EML6: variants seen among roughly 807,000 people sequenced by gnomAD.
EML6 encodes the protein echinoderm microtubule-associated protein-like 6.
Under a neutral mutation model 240.1 loss-of-function variants are expected in EML6, and 154 were observed. The ratio of observed to expected loss-of-function variants is 0.64; its 90% confidence interval spans 0.56 to 0.73. The LOEUF (loss-of-function observed/expected upper bound fraction) is 0.73, where lower values mean the gene tolerates loss of function less well. EML6 is among the 30% of genes least tolerant of loss of function. EML6 has a pLI of 0.00. For missense variants in EML6, 2,964 were observed against 2,474.6 expected (o/e 1.20, Z -4.20); for synonymous variants, 1,148 against 899.0 (o/e 1.28, Z -4.95).
At chr2:54,947,914 C>T (rs1033927925) in intron 28 of EML6, among the ~76,000 whole-genome samples, 18 of 152,204 alleles carry the variant, frequency 1.2e-4, no homozygotes, top group African/African-American at 4.3e-4. Flanking sequence ...TGTCTGTTCA[C>T]TTGGAAAATG....
chr2:54,823,197 C>T (rs528139525), intron 5 of EML6, among the ~76,000 whole-genome samples: 1 of 152,200 alleles, frequency 6.6e-6, no homozygotes, highest in African/African-American at 2.4e-5. Context: ...TCAAAGCCCT[C>T]TATCGATAAA....
chr2:54,938,703 C>G (rs1675276150), intron 28 of EML6, among the ~76,000 whole-genome samples: 1 of 152,232 alleles, frequency 6.6e-6, no homozygotes, highest in South Asian at 2.1e-4. Context: ...TTCACGCTGT[C>G]TGAGGTTCTC....
At chr2:54,852,875 T>C (rs1383287060) in intron 10 of EML6, among the ~76,000 whole-genome samples, 1 of 152,232 alleles carries the variant, frequency 6.6e-6, no homozygotes, top group African/African-American at 2.4e-5. Context: ...CAAATGTATG[T>C]ATGTTTGCTT....
intron 2 of EML6, among the ~76,000 whole-genome samples, chr2:54,801,645 T>G (rs1670153999): frequency 3.9e-5 from 6 of 152,240 alleles, no homozygotes; most frequent in Admixed American, 3.9e-4. Flanking sequence ...TGACCTTGAA[T>G]TAGGCTTGTT....
chr2:54,795,350 T>A (rs1410360814), intron 2 of EML6, among the ~76,000 whole-genome samples: 1 of 152,118 alleles, frequency 6.6e-6, no homozygotes, highest in Non-Finnish European at 1.5e-5. Context: ...AACCATCAGA[T>A]CTTGTGAGAA....
At chr2:54,926,327 C>G (rs1363327845) in intron 26 of EML6, among the ~76,000 whole-genome samples, 5 of 152,364 alleles carry the variant, frequency 3.3e-5, no homozygotes, top group East Asian at 3.9e-4. Flanking sequence ...GTCTTGAACT[C>G]CTGACCTCAA....
intron 12 of EML6, among the ~76,000 whole-genome samples, chr2:54,860,058 C>A (rs1339838566): frequency 2.6e-5 from 4 of 152,132 alleles, no homozygotes; most frequent in African/African-American, 9.7e-5. Context: ...AAACTCCTAC[C>A]CACCAGGCAA....
At chr2:54,805,938 T>C (rs35457818) in intron 2 of EML6, among the ~76,000 whole-genome samples, 36,227 of 152,098 alleles carry the variant, frequency 0.24, 4,496 homozygotes, top group Middle Eastern at 0.35. Context: ...TTAACACTTT[T>C]GCTGGAAATG....
chr2:54,827,187 G>A (rs1668638154), intron 5 of EML6, among the ~76,000 whole-genome samples: 1 of 152,132 alleles, frequency 6.6e-6, no homozygotes, highest in African/African-American at 2.4e-5. Flanking sequence ...ACTTATCTGT[G>A]TTTCTAAACC....
At chr2:54,838,176 G>A (rs1669252228) in intron 7 of EML6, among the ~76,000 whole-genome samples, 1 of 152,216 alleles carries the variant, frequency 6.6e-6, no homozygotes, top group Non-Finnish European at 1.5e-5. Flanking sequence ...GCACTTCATA[G>A]TTCCTGGCAC....
At chr2:54,755,886 G>T (rs759306263) in intron 2 of EML6, among the ~76,000 whole-genome samples, 1 of 151,842 alleles carries the variant, frequency 6.6e-6, no homozygotes, top group African/African-American at 2.4e-5. Flanking sequence ...TTCTGCTTAG[G>T]TTTTTAACCT....
chr2:54,853,742 A>T lies in EML6; in HGVS notation c.1544A>T (p.Tyr515Phe), dbSNP rs185356704. 6.4e-7 allele frequency: 1 copy of T among 1,551,578 alleles called. No individual in the cohort carries two copies. Among genetic ancestry groups the T allele is most frequent in the African/African-American group, 1.4e-5 (1 of 73,186 alleles). Reference sequence around the variant, plus strand: ...GAAGTGAGTGGAATTTGGCCCAAATACACTGAGGTTACTGACATCAACTCA... The same window carrying T: ...GAAGTGAGTGGAATTTGGCCCAAATTCACTGAGGTTACTGACATCAACTCA... ...GPEVSGIWPK[Y>F]TEVTDINSVD... The change falls in exon 11 of 42, where the codon TAC (tyrosine) becomes TTC (phenylalanine). Residue 515 changes from tyrosine (Y) to phenylalanine (F), a missense_variant. Transcript: ENST00000356458.
At chr2:54,828,407 T>C (rs1413495827) in intron 6 of EML6, among the ~76,000 whole-genome samples, 3 of 152,218 alleles carry the variant, frequency 2.0e-5, no homozygotes, top group African/African-American at 4.8e-5. Context: ...GATAAAATTG[T>C]CCCTATAAAT....
rs1248231964 is a variant in EML6, at chr2:54,813,262, T to C, written c.228T>C (p.Val76=). The part of the protein sequence containing the change: ...SLALHPDKTL[V]ATGQVGKEPY... The stretch of plus-strand genomic sequence containing the variant: ...CCTTACACCCAGACAAAACTCTCGT[T>C]GCAACTGGCCAAGTCGGGAAGGAGC... The change falls in exon 3 of 42, where the codon GTT becomes GTC. Residue 76 remains valine, a synonymous_variant. Transcript: ENST00000356458. 4.5e-6 allele frequency: 7 copies of C among 1,550,696 alleles called. No individual in the cohort carries two copies.
At chr2:54,900,917 G>C (rs143173032) in intron 22 of EML6, among the ~76,000 whole-genome samples, 64 of 152,280 alleles carry the variant, frequency 4.2e-4, no homozygotes, top group African/African-American at 1.4e-3. Context: ...GAGGCTTGAA[G>C]GATCTGTAAA....
intron 2 of EML6, among the ~76,000 whole-genome samples, chr2:54,806,784 C>A (rs1670518006): frequency 6.6e-6 from 1 of 152,078 alleles, no homozygotes; most frequent in Admixed American, 6.5e-5. Flanking sequence ...ATTAAGTACT[C>A]ATAGTACCTA....
intron 2 of EML6, among the ~76,000 whole-genome samples, chr2:54,756,978 T>C (rs1667760733): frequency 6.6e-6 from 1 of 151,996 alleles, no homozygotes. Flanking sequence ...TTTTCTATTT[T>C]CTGGTAGATT....
intron 24 of EML6, among the ~76,000 whole-genome samples, chr2:54,907,938 AGAT>A (rs775981350): frequency 0.029 from 1,679 of 57,870 alleles, 12 homozygotes; most frequent in East Asian, 0.045. Flanking sequence ...ATAGATAGAT[AGAT>A]AGATAAGATA....
chr2:54,750,848 G>A (rs984258371), intron 2 of EML6, among the ~76,000 whole-genome samples: 5 of 152,110 alleles, frequency 3.3e-5, no homozygotes, highest in African/African-American at 1.2e-4. Flanking sequence ...CCCAGAATGG[G>A]TATCATGGTT....
Sources: allele counts gnomAD v4.1 joint callset (sites outside exome capture counted in the v4.1 genomes callset), GRCh38; gene constraint gnomAD v4.1.1; transcripts MANE v1.5; gene names NCBI Gene and HGNC (gene_info 2026-07-23, HGNC 2026-07-21).